The following SEMA6D variants were observed in gnomAD, a reference collection of about 807,000 sequenced individuals.
SEMA6D encodes semaphorin-6D.
Under a neutral mutation model 106.6 loss-of-function variants are expected in SEMA6D, and 35 were observed. The observed-to-expected ratio is 0.33, with a 90% CI of 0.25 to 0.44. The LOEUF (loss-of-function observed/expected upper bound fraction) is 0.44. Among genes scored for constraint, SEMA6D ranks in the 20% least tolerant of loss-of-function variants. SEMA6D has a pLI of 1.00. For missense variants in SEMA6D, 1,185 were observed against 1,345.9 expected, an observed-to-expected ratio of 0.88 and a Z score of 1.87; for synonymous variants, 499 against 487.7, an observed-to-expected ratio of 1.02 and a Z score of -0.31.
At chr15:47,302,424 C>T (rs1448306739) in intron 1 of SEMA6D, among the ~76,000 whole-genome samples, 1 of 152,128 alleles carries the variant, frequency 6.6e-6, no homozygotes, top group Non-Finnish European at 1.5e-5. Flanking sequence ...GAAAAGCATA[C>T]TAACTGTGGG....
intron 1 of SEMA6D, among the ~76,000 whole-genome samples, chr15:47,209,993 A>C (rs1895370710): frequency 6.6e-6 from 1 of 152,188 alleles, no homozygotes; most frequent in Non-Finnish European, 1.5e-5. Context: ...TCTTCTTAAA[A>C]AGGGAGTGGG....
At chr15:47,354,378 T>C (rs2038473004) in intron 1 of SEMA6D, among the ~76,000 whole-genome samples, 1 of 107,762 alleles carries the variant, frequency 9.3e-6, no homozygotes, top group Non-Finnish European at 1.9e-5. Flanking sequence ...AGCTTATATA[T>C]ATATATATGG....
chr15:47,761,511 C>T, intron 6 of SEMA6D, 80 bp downstream of exon 6: 1 of 1,327,814 alleles, frequency 7.5e-7, no homozygotes, highest in Non-Finnish European at 1.0e-6. Context: ...TGAAATCTTT[C>T]TGCTTTCCAG....
At chr15:47,761,535 C>A in intron 6 of SEMA6D, 104 bp downstream of exon 6, 1 of 1,234,364 alleles carries the variant, frequency 8.1e-7, no homozygotes, top group Non-Finnish European at 1.1e-6. Flanking sequence ...TTTGTTTTAT[C>A]TCTAGTGCAA....
rs1596397970 is a variant in SEMA6D, at chr15:47,598,281, T to A, written c.-86-2584T>A. Among the ~76,000 whole-genome samples the A allele has an allele frequency of 4.6e-5, 7 of 152,184 alleles. 1 individual carries two copies. The South Asian group carries it at 1.5e-3, about 32-fold the overall frequency. On this transcript the variant is annotated intron_variant, in intron 3 of 19. Transcript: ENST00000558014. ...CAGTGCCCTCATAATATTAATATAA[T>A]TGGAGGTTGAAAGATTTGTGCTGTC...
At chr15:47,354,356 A>G (rs544078130) in intron 1 of SEMA6D, among the ~76,000 whole-genome samples, 45 of 147,304 alleles carry the variant, frequency 3.1e-4, no homozygotes, top group Non-Finnish European at 4.9e-4. Flanking sequence ...GAGCTTATAT[A>G]TGGAATGTGA....
chr15:47,310,872 T>C (rs1383011883), intron 1 of SEMA6D, among the ~76,000 whole-genome samples: 2 of 152,188 alleles, frequency 1.3e-5, no homozygotes, highest in Admixed American at 6.5e-5. Context: ...TTGTGCCGTT[T>C]CTTAACAAAT....
chr15:47,572,976 A>G (rs544491662), intron 3 of SEMA6D, among the ~76,000 whole-genome samples: 75 of 152,210 alleles, frequency 4.9e-4, no homozygotes, highest in African/African-American at 1.8e-3. Flanking sequence ...ATATTTTTCA[A>G]TGCTTGACAC....
chr15:47,420,167 C>G (rs2041106795), intron 2 of SEMA6D, among the ~76,000 whole-genome samples: 1 of 152,088 alleles, frequency 6.6e-6, no homozygotes, highest in Admixed American at 6.6e-5. Context: ...TGGTCTTACA[C>G]TGAATGGGCT....
chr15:47,582,230 G>A (rs1248123291), intron 3 of SEMA6D, among the ~76,000 whole-genome samples: 4 of 152,208 alleles, frequency 2.6e-5, no homozygotes, highest in African/African-American at 9.6e-5. Context: ...CAATGATGCA[G>A]TCAGCGGATG....
At chr15:47,498,898 G>A (rs2141568539) in intron 3 of SEMA6D, among the ~76,000 whole-genome samples, 1 of 152,232 alleles carries the variant, frequency 6.6e-6, no homozygotes, top group Middle Eastern at 3.4e-3. Flanking sequence ...TAGTAGCCCT[G>A]CTCCTGACAT....
intron 1 of SEMA6D, among the ~76,000 whole-genome samples, chr15:47,218,056 A>G (rs540831814): frequency 2.0e-5 from 3 of 152,178 alleles, no homozygotes; most frequent in South Asian, 4.1e-4. Flanking sequence ...ATCCTCTTCT[A>G]CTTTTGGTAT....
At chr15:47,583,937 A>G (rs1418325305) in intron 3 of SEMA6D, among the ~76,000 whole-genome samples, 2 of 152,164 alleles carry the variant, frequency 1.3e-5, no homozygotes, top group Non-Finnish European at 2.9e-5. Context: ...GGACACAATG[A>G]GCAAGTGCAG....
chr15:47,466,059 A>C (rs2042648782), intron 2 of SEMA6D, among the ~76,000 whole-genome samples: 1 of 152,202 alleles, frequency 6.6e-6, no homozygotes, highest in African/African-American at 2.4e-5. Context: ...TATGTATTCA[A>C]GGTATGCAAA....
intron 4 of SEMA6D, among the ~76,000 whole-genome samples, chr15:47,613,669 G>A (rs1455022486): frequency 2.0e-5 from 3 of 151,078 alleles, no homozygotes; most frequent in African/African-American, 7.3e-5. Context: ...TTTTTGAGAC[G>A]GAGTCTCACT....
intron 1 of SEMA6D, among the ~76,000 whole-genome samples, chr15:47,743,517 C>A (rs148029120): frequency 8.4e-4 from 128 of 152,218 alleles, no homozygotes; most frequent in African/African-American, 3.0e-3. Context: ...CTCAAAGAAA[C>A]CTACAGTGCG....
In SEMA6D at chr15:47,498,763, A is replaced by G. The variant is rs150537159; in HGVS notation, c.-87+28218A>G. On this transcript the variant is annotated intron_variant, in intron 3 of 19. Coordinates refer to the SEMA6D transcript ENST00000558014. ...ATTGATGTTTTTCTCCTAAAAAGCT[A>G]CCTGAGGCACAAGAGGCCCGCATGA... 3.3e-3 allele frequency among the ~76,000 whole-genome samples: 502 copies of G among 152,248 alleles called. 2 individuals carry two copies. Among genetic ancestry groups the G allele is most frequent in the African/African-American group, 0.012 (481 of 41,568 alleles).
intron 15 of SEMA6D, 96 bp from the exon 16 acceptor site, chr15:47,766,520 T>C (rs1597082840): frequency 1.9e-6 from 2 of 1,052,600 alleles, no homozygotes; most frequent in East Asian, 2.4e-5. Flanking sequence ...TGCCCATTCT[T>C]ACTAATCAGT....
chr15:47,657,389 C>T (rs1270327856), intron 4 of SEMA6D, among the ~76,000 whole-genome samples: 1 of 152,114 alleles, frequency 6.6e-6, no homozygotes, highest in East Asian at 1.9e-4. Context: ...TGATTTTCTT[C>T]AACTCGTTTC....
Sources: allele counts gnomAD v4.1 joint callset (sites outside exome capture counted in the v4.1 genomes callset), GRCh38; gene constraint gnomAD v4.1.1; transcripts MANE v1.5; gene names NCBI Gene and HGNC (gene_info 2026-07-23, HGNC 2026-07-21).